The following C1orf198 variants were observed in gnomAD, a reference collection of about 807,000 sequenced individuals.
C1orf198 encodes uncharacterized protein C1orf198.
Under a neutral mutation model 31.4 loss-of-function variants are expected in C1orf198, and 17 were observed. The ratio of observed to expected loss-of-function variants is 0.54; its 90% CI spans 0.37 to 0.81. C1orf198 has a LOEUF of 0.81. Among genes scored for constraint, C1orf198 ranks in the 40% least tolerant of loss-of-function variants. The pLI, the probability that C1orf198 is intolerant of heterozygous loss-of-function variation, is 0.00. For missense variants in C1orf198, 401 were observed against 450.3 expected, an observed-to-expected ratio of 0.89 and a Z score of 0.99; for synonymous variants, 175 against 193.8, an observed-to-expected ratio of 0.90 and a Z score of 0.81.
chr1:230,861,381 T>G (rs1439084079), intron 1 of C1orf198, among the ~76,000 whole-genome samples: 1 of 152,138 alleles, frequency 6.6e-6, no homozygotes, highest in Non-Finnish European at 1.5e-5. Context: ...AAAAACTGAA[T>G]TTTTTTAAAG....
At chr1:230,852,526 A>C (rs1456483628) in intron 2 of C1orf198, among the ~76,000 whole-genome samples, 1 of 152,214 alleles carries the variant, frequency 6.6e-6, no homozygotes, top group Non-Finnish European at 1.5e-5. Flanking sequence ...CTTGTTGTAC[A>C]TCATAAATAT....
At chr1:230,855,548 T>C in intron 2 of C1orf198, 120 bp downstream of exon 2, 3 of 1,031,608 alleles carry the variant, frequency 2.9e-6, no homozygotes, top group Non-Finnish European at 4.3e-6. Flanking sequence ...AATGGACACA[T>C]CCCCTGCAGC....
At chr1:230,859,480 G>A (rs139418955) in intron 1 of C1orf198, among the ~76,000 whole-genome samples, 16 of 152,248 alleles carry the variant, frequency 1.1e-4, no homozygotes, top group African/African-American at 2.9e-4. Flanking sequence ...GTCAAATTCC[G>A]TAAGAGGCAT....
rs1402627224 is a variant in C1orf198, at chr1:230,843,104, C to T, written c.927+250G>A. 8.5e-5 allele frequency among the ~76,000 whole-genome samples: 13 copies of T among 152,260 alleles called. No individual in the cohort carries two copies. Among genetic ancestry groups the T allele is most frequent in the East Asian group, 1.9e-4 (1 of 5,196 alleles). On this transcript the variant is annotated intron_variant, in intron 3 of 3. Transcript: ENST00000366663. The surrounding 1 kb of genome is among the most constrained non-coding windows in gnomAD (Gnocchi z 4.9). ...ATAGCAGCCCGCGCACTGGGGAAAGCGCAGTGGGCCACGGAACCCTGACTG... is the reference window on the plus strand; with the variant it reads ...ATAGCAGCCCGCGCACTGGGGAAAGTGCAGTGGGCCACGGAACCCTGACTG...
At chr1:230,849,257 C>T (rs10429982) in intron 2 of C1orf198, among the ~76,000 whole-genome samples, 25,134 of 152,174 alleles carry the variant, frequency 0.17, 2,508 homozygotes, top group East Asian at 0.38. Context: ...CCCTCTCCCA[C>T]GGCACTGAGC....
In C1orf198 at chr1:230,843,259, G is replaced by T; in HGVS notation, c.927+95C>A. On this transcript the variant is annotated intron_variant, in intron 3 of 3. Transcript: ENST00000366663. This position sits in a 1 kb window ranked among gnomAD's most constrained non-coding sequence, Gnocchi z 4.9. ...GGGAAGGAGAAGAAAAAGAGCATGG[G>T]CACCTGTGGCCTGCCTGCTTTGTGG... The T allele has an allele frequency of 2.2e-6, 3 of 1,384,116 alleles. No individual in the cohort carries two copies. Among genetic ancestry groups the T allele is most frequent in the Non-Finnish European group, 2.9e-6 (3 of 1,027,284 alleles). 85.7% of individuals were successfully genotyped at this position (1,384,116 alleles called of 1,614,324 possible). A position where few individuals can be genotyped will look rare whatever the true frequency, so the allele number is the denominator to read the frequency against.
Position 230,840,025 on chromosome 1 carries a change from G to GAAGT in C1orf198, c.928-118_928-117insACTT. 1 of 822,284 alleles carries GAAGT rather than the reference G, an allele frequency of 1.2e-6. No individual in the cohort carries two copies. The highest frequency in any genetic ancestry group is 1.9e-6 in the Non-Finnish European group (1 of 524,822). 50.9% of individuals were successfully genotyped at this position (822,284 alleles called of 1,614,324 possible). ...GATAAAAGAGCCTACTTCTGTCTCA[G>GAAGT]AGGTTCCCTGACCTCAATTTATCTC... On this transcript the variant is annotated intron_variant, in intron 3 of 3. Transcript: ENST00000366663. This position sits in a 1 kb window ranked among gnomAD's most constrained non-coding sequence, Gnocchi z 4.0.
At chr1:230,869,023 TG>T (rs1206929723), upstream of C1orf198, 1 of 152,370 alleles carries the variant, frequency 6.6e-6, no homozygotes, top group African/African-American at 2.4e-5. Flanking sequence ...CCTTTCCTTC[TG>T]TCCCTTTCTG....
At chr1:230,860,293 G>T (rs957361451) in intron 1 of C1orf198, among the ~76,000 whole-genome samples, 7 of 152,088 alleles carry the variant, frequency 4.6e-5, no homozygotes, top group African/African-American at 1.7e-4. Flanking sequence ...TATATAAAAC[G>T]GTTCGGCAGT....
At chr1:230,844,023 C>T in intron 2 of C1orf198, 127 bp from the exon 3 acceptor site, 2 of 1,000,138 alleles carry the variant, frequency 2.0e-6, no homozygotes, top group Non-Finnish European at 2.9e-6. Context: ...GAGTTGTTGC[C>T]CATGTGCTGG....
upstream of C1orf198, chr1:230,869,168 G>T (rs1227625625): frequency 6.6e-6 from 1 of 152,346 alleles, no homozygotes; most frequent in Admixed American, 6.5e-5. Context: ...AGGCTGGACC[G>T]GTTCGGGGCA....
At chr1:230,842,652 G>C (rs1411420529) in intron 3 of C1orf198, among the ~76,000 whole-genome samples, 1 of 151,924 alleles carries the variant, frequency 6.6e-6, no homozygotes, top group Non-Finnish European at 1.5e-5. Context: ...CCACTGCTCG[G>C]GTGATGGGTG....
chr1:230,843,645 A>AG lies in C1orf198; in HGVS notation c.635dup (p.Ser213Ter). The AG allele has an allele frequency of 6.2e-7, 1 of 1,614,166 alleles. No homozygotes were observed. Among genetic ancestry groups the AG allele is most frequent in the Non-Finnish European group, 8.5e-7 (1 of 1,180,020 alleles). On this transcript the variant is annotated frameshift_variant, in exon 3 of 4. Transcript: ENST00000366663. LOFTEE classifies it high-confidence loss of function. This position sits in a 1 kb window ranked among gnomAD's most constrained non-coding sequence, Gnocchi z 4.9. ...CCTTCTCCATGGACTTGATCTGGCT[A>AG]GGGGTCAGCGACTGGAACTCGGCCT... is the stretch of plus-strand genomic sequence containing the variant.
intron 1 of C1orf198, chr1:230,856,059 C>G (rs1572135944): frequency 1.0e-6 from 1 of 960,228 alleles, no homozygotes; most frequent in Non-Finnish European, 1.3e-6. Flanking sequence ...CAGCCCTGAA[C>G]AATGATTAGC....
At chr1:230,859,921 A>T (rs368728433) in intron 1 of C1orf198, among the ~76,000 whole-genome samples, 8 of 151,940 alleles carry the variant, frequency 5.3e-5, no homozygotes, top group South Asian at 4.1e-4. Flanking sequence ...ACTTGTTGAT[A>T]AAAAAAATGG....
rs568852990 is a variant in C1orf198 at position 230,854,643 on chromosome 1, C to T, written c.384+1025G>A. Among the ~76,000 whole-genome samples, 12 of 152,288 alleles carry T rather than the reference C, an allele frequency of 7.9e-5. No individual in the cohort carries two copies. The South Asian group carries it at 2.1e-3, about 26-fold the overall frequency. The stretch of plus-strand genomic sequence containing the variant: ...GCCAGCTCACTTCACCCAGGGCAAT[C>T]GGCAATAGCTTACTAAATACTGTCT... On this transcript the variant is annotated intron_variant, in intron 2 of 3. Transcript: ENST00000366663.
chr1:230,855,624 T>TA, intron 2 of C1orf198, 44 bp downstream of exon 2: 1 of 1,595,168 alleles, frequency 6.3e-7, no homozygotes, highest in Non-Finnish European at 8.6e-7. Context: ...AACTACTCAG[T>TA]TCTTTTTAAA....
At chr1:230,847,528 G>T (rs1053824451) in intron 2 of C1orf198, among the ~76,000 whole-genome samples, 15 of 152,284 alleles carry the variant, frequency 9.9e-5, no homozygotes, top group African/African-American at 3.4e-4. Context: ...CTGAATCCAT[G>T]GCTGGGCATC....
rs1351994088 is a variant in C1orf198, at chr1:230,839,693, G to GA, written c.*158dup. ...ATATATATCTGGTTCTACCAAAAAA[G>GA]AAAAAAATCTGGCAATATTGACCAG... On this transcript the variant is annotated 3_prime_UTR_variant, in exon 4 of 4. Transcript: ENST00000366663. 3.5e-5 allele frequency: 22 copies of GA among 627,140 alleles called. No individual in the cohort carries two copies. Among genetic ancestry groups the GA allele is most frequent in the Middle Eastern group, 4.3e-4 (1 of 2,342 alleles). The allele number at this position is 627,140 out of a possible 1,614,324, so 38.8% of individuals were successfully genotyped here.
Sources: allele counts gnomAD v4.1 joint callset (sites outside exome capture counted in the v4.1 genomes callset), GRCh38; gene constraint gnomAD v4.1.1; non-coding constraint Gnocchi (gnomAD v3.1); transcripts MANE v1.5; gene names NCBI Gene and HGNC (gene_info 2026-07-23, HGNC 2026-07-21).